The following TANC2 variants were observed in gnomAD, a reference collection of about 807,000 sequenced individuals.
The protein encoded by TANC2 is tetratricopeptide repeat, ankyrin repeat and coiled-coil containing 2.
TANC2 carries 26 observed loss-of-function variants against 210.5 expected under a neutral mutation model. That is an observed-to-expected ratio of 0.12 (90% CI 0.09 to 0.17). The LOEUF is 0.17. Among genes scored for constraint, TANC2 ranks in the 10% least tolerant of loss-of-function variants. The pLI, the probability that TANC2 is intolerant of heterozygous loss-of-function variation, is 1.00. For synonymous variants in TANC2, 931 were observed against 967.1 expected (o/e 0.96, Z 0.69); for missense variants, 2,129 against 2,608.9 (o/e 0.82, Z 4.01).
chr17:63,101,362 G>C (rs1439799904), intron 4 of TANC2, among the ~76,000 whole-genome samples: 1 of 152,142 alleles, frequency 6.6e-6, no homozygotes, highest in Non-Finnish European at 1.5e-5. Context: ...ACTACACTTA[G>C]TAATTTCTCC....
chr17:63,421,990 C>T lies in TANC2; in HGVS notation c.*35C>T. 1 of 1,550,494 alleles carries T rather than the reference C, an allele frequency of 6.4e-7. No individual in the cohort carries two copies. Among genetic ancestry groups the T allele is most frequent in the South Asian group, 1.3e-5 (1 of 79,292 alleles). ...TGTTGGAGTGAGACCCATATGTTTT[C>T]ACTGCACATTTTCAGGCTTGGTTTC... On this transcript the variant is annotated 3_prime_UTR_variant, in exon 28 of 28. Transcript: ENST00000689528. This position sits in a 1 kb window ranked among gnomAD's most constrained non-coding sequence, Gnocchi z 6.9.
chr17:63,305,534 T>A (rs2044873597), intron 9 of TANC2: 2 of 152,286 alleles, frequency 1.3e-5, no homozygotes, highest in African/African-American at 4.8e-5. Flanking sequence ...CGCTATGATT[T>A]CCCTTTTTTC....
chr17:63,389,769 A>G, intron 17 of TANC2: 1 of 546,352 alleles, frequency 1.8e-6, no homozygotes, highest in Non-Finnish European at 3.3e-6. Context: ...GGGAAACTGC[A>G]TTTATCCGTA....
rs2040198227 is a variant in TANC2, at chr17:63,165,993, C to T, written c.433+14613C>T. The stretch of plus-strand genomic sequence containing the variant: ...TTCTTGAGCTGGTCAAATATTGTAT[C>T]CCATTTAAGCCAAATAGTCATCATC... On this transcript the variant is annotated intron_variant, in intron 5 of 27. Transcript: ENST00000689528. Among the ~76,000 whole-genome samples, 3 of 152,168 alleles carry T rather than the reference C, an allele frequency of 2.0e-5. No individual in the cohort carries two copies. In the South Asian group the frequency reaches 6.2e-4, roughly 32 times the overall value.
chr17:63,055,673 GA>G (rs1478679874), intron 2 of TANC2, among the ~76,000 whole-genome samples: 9 of 146,092 alleles, frequency 6.2e-5, no homozygotes, highest in Non-Finnish European at 9.0e-5. Context: ...TTTGACAACT[GA>G]AGGCCTTCTG....
At chr17:63,298,004 T>C (rs912796693) in intron 9 of TANC2, among the ~76,000 whole-genome samples, 14 of 152,106 alleles carry the variant, frequency 9.2e-5, no homozygotes, top group Non-Finnish European at 2.1e-4. Flanking sequence ...CACAGTGAGA[T>C]ACTATTTTAC....
intron 6 of TANC2, among the ~76,000 whole-genome samples, chr17:63,198,921 GTGT>G (rs2041438704): frequency 1.3e-5 from 2 of 152,176 alleles, no homozygotes; most frequent in Admixed American, 6.5e-5. Context: ...AGAGCTTACT[GTGT>G]TGTTAAGAAA....
At chr17:63,115,779 A>G (rs2038227170) in intron 4 of TANC2, among the ~76,000 whole-genome samples, 1 of 152,150 alleles carries the variant, frequency 6.6e-6, no homozygotes, top group Non-Finnish European at 1.5e-5. Context: ...TTCTATTCCC[A>G]CAGTAGCTTT....
chr17:63,101,898 TAA>T (rs2037636664), intron 4 of TANC2, among the ~76,000 whole-genome samples: 4 of 152,066 alleles, frequency 2.6e-5, no homozygotes, highest in Admixed American at 2.0e-4. Flanking sequence ...CAGGCAGAGC[TAA>T]CAGTCAGAAC....
rs547525454 is a variant in TANC2, at chr17:63,332,504, A to G, written c.1576-7597A>G. On this transcript the variant is annotated intron_variant, in intron 11 of 27. Transcript: ENST00000689528. Reference sequence around the variant, plus strand: ...CACTGTTCCTTGGGCCTCCTTTGCAATCAGCCCCACTGGATTTAGAAATGC... The same window carrying G: ...CACTGTTCCTTGGGCCTCCTTTGCAGTCAGCCCCACTGGATTTAGAAATGC... The G allele has an allele frequency of 5.6e-4, 229 of 408,500 alleles. 3 individuals carry two copies. The highest frequency in any genetic ancestry group is 1.0e-3 in the Non-Finnish European group (207 of 206,310). The allele number at this position is 408,500 out of a possible 1,614,324, so 25.3% of individuals were successfully genotyped here. A position where few individuals can be genotyped will look rare whatever the true frequency, so the allele number is the denominator to read the frequency against.
chr17:63,088,992 A>C (rs1037644211), intron 3 of TANC2: 4 of 152,172 alleles, frequency 2.6e-5, no homozygotes, highest in Non-Finnish European at 5.9e-5. Flanking sequence ...AATTTATTTC[A>C]CTAGGAGTCC....
intron 4 of TANC2, among the ~76,000 whole-genome samples, chr17:63,145,992 A>G (rs891069654): frequency 4.6e-5 from 7 of 152,164 alleles, no homozygotes; most frequent in Non-Finnish European, 8.8e-5. Flanking sequence ...TCTATAGATC[A>G]CTTGGGTGGT....
chr17:63,035,969 G>A (rs1022421245), intron 2 of TANC2, among the ~76,000 whole-genome samples: 2 of 152,128 alleles, frequency 1.3e-5, no homozygotes, highest in African/African-American at 4.8e-5. Context: ...GTCTTTTCAT[G>A]TGCTTGTCTT....
intron 4 of TANC2, among the ~76,000 whole-genome samples, chr17:63,130,528 G>A: frequency 1.3e-5 from 2 of 150,378 alleles, no homozygotes; most frequent in South Asian, 4.2e-4. Context: ...AAAAAAAAAA[G>A]ATTTAAAAAC....
rs148498129 is a variant in TANC2, at chr17:63,232,828, C to T, written c.770-4986C>T. On this transcript the variant is annotated intron_variant, in intron 7 of 27. Coordinates refer to ENST00000689528, the Ensembl canonical transcript of TANC2. The stretch of plus-strand genomic sequence containing the variant: ...GGGGGAATCCCACTTGTCTGGACTA[C>T]CCGGATTCCTCAGAGCCAGCAGCGG... Among the ~76,000 whole-genome samples, 390 of 152,378 alleles carry T rather than the reference C, an allele frequency of 2.6e-3. 1 individual carries two copies. Among genetic ancestry groups the T allele is most frequent in the South Asian group, 0.013 (61 of 4,832 alleles).
At chr17:63,075,083 T>A (rs1404825844) in intron 3 of TANC2, among the ~76,000 whole-genome samples, 1 of 152,160 alleles carries the variant, frequency 6.6e-6, no homozygotes, top group Non-Finnish European at 1.5e-5. Flanking sequence ...TAATACTTAA[T>A]CATACTTAAG....
At chr17:63,163,123 A>C (rs1438829750) in intron 5 of TANC2, among the ~76,000 whole-genome samples, 1 of 151,768 alleles carries the variant, frequency 6.6e-6, no homozygotes, top group Non-Finnish European at 1.5e-5. Context: ...GGAAATGAGA[A>C]CATGAGGGGT....
At position 63,372,033 on chromosome 17, in the gene TANC2, T is replaced by C. The variant is rs1251399770; in HGVS notation, c.2583-7685T>C. On this transcript the variant is annotated intron_variant, in intron 14 of 27. Coordinates refer to ENST00000689528, the Ensembl canonical transcript of TANC2. ...ACTTTTGTCAAAACACGCATACTTATCCAGCAAAGGGGAGGAGGGAGAGTG... is the reference window on the plus strand; with the variant it reads ...ACTTTTGTCAAAACACGCATACTTACCCAGCAAAGGGGAGGAGGGAGAGTG... 2.0e-5 allele frequency among the ~76,000 whole-genome samples: 3 copies of C among 152,150 alleles called. No individual in the cohort carries two copies. In the South Asian group the frequency reaches 6.2e-4, roughly 32 times the overall value.
chr17:63,130,562 GT>G (rs1243175657), intron 4 of TANC2, among the ~76,000 whole-genome samples: 2 of 151,586 alleles, frequency 1.3e-5, no homozygotes, highest in African/African-American at 4.8e-5. Context: ...TTTATTTGCT[GT>G]TTTGTTAATT....
Sources: allele counts gnomAD v4.1 joint callset (sites outside exome capture counted in the v4.1 genomes callset), GRCh38; gene constraint gnomAD v4.1.1; non-coding constraint Gnocchi (gnomAD v3.1); transcripts MANE v1.5; gene names NCBI Gene and HGNC (gene_info 2026-07-23, HGNC 2026-07-21).